Variants in MIER2 observed in about 807,000 individuals in gnomAD.
The protein encoded by MIER2 is MIER family member 2.
In MIER2, 30 loss-of-function variants were observed where a neutral mutation model predicts 67.6. The ratio of observed to expected loss-of-function variants is 0.44; its 90% CI spans 0.33 to 0.60. The LOEUF is 0.60. Among genes scored for constraint, MIER2 ranks in the 20% least tolerant of loss-of-function variants. The pLI is 0.02. For missense variants in MIER2, 702 were observed against 745.1 expected, an observed-to-expected ratio of 0.94 and a Z score of 0.67; for synonymous variants, 372 against 312.6, an observed-to-expected ratio of 1.19 and a Z score of -2.00.
intron 7 of MIER2, among the ~76,000 whole-genome samples, chr19:319,343 T>C (rs138157919): frequency 2.4e-3 from 359 of 152,100 alleles, no homozygotes; most frequent in Non-Finnish European, 4.2e-3. Context: ...GCCTGGGCAA[T>C]AGAGCGAGAC....
chr19:326,733 A>T, intron 5 of MIER2, 135 bp from the exon 6 acceptor site: 1 of 709,476 alleles, frequency 1.4e-6, no homozygotes. Flanking sequence ...TTGGGTAAAC[A>T]GATGGGCACA....
chr19:320,692 T>C (rs574818759), intron 7 of MIER2, among the ~76,000 whole-genome samples: 17 of 152,304 alleles, frequency 1.1e-4, no homozygotes, highest in African/African-American at 4.1e-4. Flanking sequence ...ATCTAATGCC[T>C]GATGATCTGA....
intron 1 of MIER2, chr19:343,813 A>C (rs1268405615): frequency 4.1e-6 from 4 of 982,166 alleles, no homozygotes; most frequent in East Asian, 1.1e-4. Context: ...CACCTACATT[A>C]TCTCTTTCCA....
chr19:318,230 T>C (rs1438215332), intron 7 of MIER2, among the ~76,000 whole-genome samples: 4 of 152,030 alleles, frequency 2.6e-5, no homozygotes. Context: ...GAAAATACAC[T>C]TCAAATATAG....
chr19:328,425 G>T (rs953507489), intron 3 of MIER2, among the ~76,000 whole-genome samples: 7 of 133,016 alleles, frequency 5.3e-5, no homozygotes, highest in Non-Finnish European at 1.1e-4. Context: ...TTCCTGATTT[G>T]AAAAAAAAAA....
At chr19:329,678 G>A (rs1971930770) in intron 3 of MIER2, among the ~76,000 whole-genome samples, 1 of 152,094 alleles carries the variant, frequency 6.6e-6, no homozygotes, top group Non-Finnish European at 1.5e-5. Context: ...CACGAGATCA[G>A]GAGTTTGAGA....
intron 7 of MIER2, among the ~76,000 whole-genome samples, chr19:317,442 G>A (rs552446400): frequency 1.1e-4 from 17 of 151,956 alleles, no homozygotes; most frequent in African/African-American, 4.1e-4. Flanking sequence ...CAGGAGAATG[G>A]CGTGAACCCG....
chr19:322,654 T>C lies in MIER2; in HGVS notation c.655+2981A>G, dbSNP rs117331325. ...TCCATATCCACCAGACGGGCTAAAA[T>C]TCAGGCAAATTCACCCTCAGTGGCA... is the stretch of plus-strand genomic sequence containing the variant. On this transcript the variant is annotated intron_variant, in intron 7 of 13. Transcript: ENST00000264819. Among the ~76,000 whole-genome samples, 1,303 of 151,792 alleles carry C rather than the reference T, an allele frequency of 8.6e-3. 9 individuals carry two copies. The highest frequency in any genetic ancestry group is 0.012 in the Non-Finnish European group (842 of 67,926).
At chr19:309,062 C>A (rs913818412) in intron 10 of MIER2, 137 bp from the exon 11 acceptor site, 24 of 1,258,274 alleles carry the variant, frequency 1.9e-5, no homozygotes, top group Middle Eastern at 2.8e-4. Context: ...TAACGCAAGA[C>A]CCCCCGACCC....
chr19:344,587 G>GC (rs1568242872), intron 1 of MIER2, 187 bp downstream of exon 1: 3 of 109,804 alleles, frequency 2.7e-5, no homozygotes, highest in South Asian at 4.6e-4. Context: ...GGTGGGGGCC[G>GC]GCCGGGGGCG....
intron 10 of MIER2, among the ~76,000 whole-genome samples, chr19:309,833 C>A (rs1262925031): frequency 5.8e-5 from 7 of 121,414 alleles, no homozygotes; most frequent in African/African-American, 9.4e-5. Flanking sequence ...AAGGGACACA[C>A]ACACACACGC....
chr19:313,520 T>C lies in MIER2; in HGVS notation c.779A>G (p.Glu260Gly), dbSNP rs756133180. 3 of 1,612,488 alleles carry C rather than the reference T, an allele frequency of 1.9e-6. No individual in the cohort carries two copies. The highest frequency in any genetic ancestry group is 1.7e-6 in the Non-Finnish European group (2 of 1,179,872). The change falls in exon 8 of 14, where the codon GAG becomes GGG. Residue 260 changes from glutamate to glycine, a missense_variant. Coordinates refer to ENST00000264819, the MANE Select transcript of MIER2 (RefSeq NM_017550.3). The stretch of plus-strand genomic sequence containing the variant: ...CTCACTGTCTTTCACGGCTTCTCCC[T>C]CTGGGAGCTGAGGCCCGGCCATCTC... ...WHEMAGPQLP[E>G]GEAVKDSEQA...
intron 1 of MIER2, among the ~76,000 whole-genome samples, chr19:337,594 C>T (rs926423063): frequency 5.3e-5 from 8 of 152,136 alleles, no homozygotes; most frequent in African/African-American, 1.4e-4. Context: ...AAGCCGGGCA[C>T]GGTGGCTCAC....
At chr19:327,689 G>A (rs1971823512) in intron 4 of MIER2, among the ~76,000 whole-genome samples, 175 bp downstream of exon 4, 1 of 152,194 alleles carries the variant, frequency 6.6e-6, no homozygotes, top group Non-Finnish European at 1.5e-5. Flanking sequence ...TTAAGGCTAG[G>A]GTCCAGCCCC....
intron 1 of MIER2, chr19:344,140 G>A (rs1972631223): frequency 1.0e-6 from 1 of 985,296 alleles, no homozygotes; most frequent in South Asian, 4.7e-5. Flanking sequence ...GGGAGAGGCT[G>A]GTCCAACTCT....
In MIER2 at chr19:344,796, C is replaced by T; in HGVS notation, c.-14G>A. Reference sequence around the variant, plus strand: ...CACCTCCGCCATGGCCGTGTGTGCGCGGGAGGCGGTGGCCGCGCCGGGATC... The same window carrying T: ...CACCTCCGCCATGGCCGTGTGTGCGTGGGAGGCGGTGGCCGCGCCGGGATC... On this transcript the variant is annotated 5_prime_UTR_variant, in exon 1 of 14. Coordinates refer to ENST00000264819, the MANE Select transcript of MIER2 (RefSeq NM_017550.3). 2.5e-6 allele frequency: 3 copies of T among 1,198,164 alleles called. No homozygotes were observed. Among genetic ancestry groups the T allele is most frequent in the Non-Finnish European group, 3.1e-6 (3 of 966,130 alleles). The allele number at this position is 1,198,164 out of a possible 1,614,324, so 74.2% of individuals were successfully genotyped here. A position where few individuals can be genotyped will look rare whatever the true frequency, so the allele number is the denominator to read the frequency against.
intron 12 of MIER2, among the ~76,000 whole-genome samples, 172 bp from the exon 13 acceptor site, chr19:307,708 G>T (rs548921329): frequency 6.6e-6 from 1 of 151,428 alleles, no homozygotes; most frequent in Non-Finnish European, 1.5e-5. Flanking sequence ...CCCAGGTTAA[G>T]GGTCTCAGCT....
intron 1 of MIER2, among the ~76,000 whole-genome samples, chr19:341,178 C>A (rs979576075): frequency 6.6e-6 from 1 of 152,220 alleles, no homozygotes; most frequent in Non-Finnish European, 1.5e-5. Context: ...GGCAACGGTT[C>A]CTGCCTCAGT....
At chr19:319,013 C>T (rs1321461480) in intron 7 of MIER2, among the ~76,000 whole-genome samples, 2 of 146,518 alleles carry the variant, frequency 1.4e-5, no homozygotes, top group African/African-American at 2.6e-5. Context: ...ACAGAGTTCA[C>T]GCCACTGCAC....
Sources: allele counts gnomAD v4.1 joint callset (sites outside exome capture counted in the v4.1 genomes callset), GRCh38; gene constraint gnomAD v4.1.1; transcripts MANE v1.5; gene names NCBI Gene and HGNC (gene_info 2026-07-23, HGNC 2026-07-21).